The following PTPRA variants were observed in gnomAD, a reference collection of about 807,000 sequenced individuals.
PTPRA encodes protein tyrosine phosphatase receptor type A, also known as receptor-type tyrosine-protein phosphatase alpha.
In PTPRA, 25 loss-of-function variants were observed where a neutral mutation model predicts 104.8. The observed-to-expected ratio is 0.24, with a 90% CI of 0.17 to 0.33. PTPRA has a LOEUF of 0.33. PTPRA is among the 10% of genes least tolerant of loss of function. The pLI is 1.00. For missense variants in PTPRA, 765 were observed against 1,015.3 expected (o/e 0.75, Z 3.35); for synonymous variants, 323 against 368.9 (o/e 0.88, Z 1.43).
chr20:2,866,457 C>T, the PTPRA span: 2 of 1,614,186 alleles, frequency 1.2e-6, no homozygotes, highest in Non-Finnish European at 1.7e-6. Flanking sequence ...CAGATGTGGC[C>T]ATCGAACACC....
intron 1 of PTPRA, among the ~76,000 whole-genome samples, chr20:2,919,960 G>A (rs1283543919): frequency 1.3e-5 from 2 of 152,118 alleles, no homozygotes; most frequent in Non-Finnish European, 1.5e-5. Context: ...CATAAATAAG[G>A]TTTTATTAGA....
At chr20:2,905,001 C>T (rs2059372683) in intron 1 of PTPRA, among the ~76,000 whole-genome samples, 1 of 152,190 alleles carries the variant, frequency 6.6e-6, no homozygotes, top group Admixed American at 6.5e-5. Flanking sequence ...CTGGGCCACA[C>T]AGCAGGATAT....
intron 3 of PTPRA, among the ~76,000 whole-genome samples, chr20:2,960,777 T>G (rs1226221643): frequency 1.3e-5 from 2 of 152,018 alleles, no homozygotes; most frequent in Non-Finnish European, 2.9e-5. Flanking sequence ...GCTCAAGCAA[T>G]TTGCCTGCCT....
chr20:2,888,671 T>C (rs114667650), intron 1 of PTPRA, among the ~76,000 whole-genome samples: 2,504 of 152,280 alleles, frequency 0.016, 63 homozygotes, highest in African/African-American at 0.056. Flanking sequence ...GTTCTAAAAG[T>C]ATATATAGTA....
intron 2 of PTPRA, among the ~76,000 whole-genome samples, chr20:2,932,384 AAG>A (rs2060538534): frequency 6.6e-6 from 1 of 152,214 alleles, no homozygotes; most frequent in African/African-American, 2.4e-5. Flanking sequence ...TAATGAGGAA[AAG>A]AGAAGCTCAT....
chr20:2,979,840 G>A (rs542403835), intron 6 of PTPRA, among the ~76,000 whole-genome samples: 41 of 152,242 alleles, frequency 2.7e-4, no homozygotes, highest in Non-Finnish European at 4.7e-4. Context: ...CACCGTGCCC[G>A]GCCCTGTTAA....
At chr20:3,002,429 C>A (rs1274431861) in intron 9 of PTPRA, among the ~76,000 whole-genome samples, 2 of 150,686 alleles carry the variant, frequency 1.3e-5, no homozygotes, top group Non-Finnish European at 2.9e-5. Flanking sequence ...CGGGTTCAAG[C>A]AGTTCTCCTA....
chr20:2,978,787 T>C (rs961226976), intron 6 of PTPRA, among the ~76,000 whole-genome samples: 5 of 152,190 alleles, frequency 3.3e-5, no homozygotes, highest in Admixed American at 2.6e-4. Flanking sequence ...AAAGCAGCCA[T>C]AGATGGTATG....
intron 2 of PTPRA, among the ~76,000 whole-genome samples, chr20:2,929,403 C>A (rs991144192): frequency 6.6e-6 from 1 of 152,214 alleles, no homozygotes; most frequent in African/African-American, 2.4e-5. Flanking sequence ...TGTGTGTTCA[C>A]ACATTCCTTT....
chr20:2,922,555 G>C (rs536998658), intron 1 of PTPRA, among the ~76,000 whole-genome samples: 1 of 152,136 alleles, frequency 6.6e-6, no homozygotes, highest in Non-Finnish European at 1.5e-5. Flanking sequence ...GGCCAGGCTG[G>C]TCTCGAACTC....
At chr20:2,947,125 A>G (rs2061165421) in intron 2 of PTPRA, among the ~76,000 whole-genome samples, 1 of 152,148 alleles carries the variant, frequency 6.6e-6, no homozygotes, top group Admixed American at 6.5e-5. Context: ...TTGGACTGTC[A>G]TTACCTTGCA....
chr20:2,905,607 C>T (rs932121785), intron 1 of PTPRA, among the ~76,000 whole-genome samples: 2 of 151,662 alleles, frequency 1.3e-5, no homozygotes, highest in Admixed American at 6.6e-5. Flanking sequence ...TACAAATCCC[C>T]TTTTCCCCTT....
At chr20:3,007,558 G>T in intron 11 of PTPRA, 138 bp downstream of exon 11, 1 of 906,626 alleles carries the variant, frequency 1.1e-6, no homozygotes, top group Non-Finnish European at 1.7e-6. Flanking sequence ...TTAAGTGACT[G>T]AATTTTTTTT....
At chr20:2,909,426 T>C (rs1251042674) in intron 1 of PTPRA, among the ~76,000 whole-genome samples, 1 of 151,908 alleles carries the variant, frequency 6.6e-6, no homozygotes, top group Non-Finnish European at 1.5e-5. Context: ...CTACTAAAAA[T>C]ACAGAAATTA....
At chr20:3,011,687 G>A (rs891313698) in intron 11 of PTPRA, among the ~76,000 whole-genome samples, 1 of 152,322 alleles carries the variant, frequency 6.6e-6, no homozygotes, top group African/African-American at 2.4e-5. Flanking sequence ...GGTAGTGGAT[G>A]TCAAGTGTGT....
chr20:2,869,675 CAG>C (rs551033696), upstream of PTPRA, among the ~76,000 whole-genome samples: 46 of 152,300 alleles, frequency 3.0e-4, no homozygotes, highest in South Asian at 9.3e-3. Flanking sequence ...CAGGGAGAAT[CAG>C]GGCAAAGGCT....
chr20:2,888,943 G>A (rs957232297), intron 1 of PTPRA, among the ~76,000 whole-genome samples: 3 of 152,130 alleles, frequency 2.0e-5, no homozygotes, highest in Non-Finnish European at 4.4e-5. Context: ...AGCTCAATTC[G>A]GTTTCCCCAA....
At chr20:2,885,785 G>T (rs976135077) in intron 1 of PTPRA, among the ~76,000 whole-genome samples, 1 of 152,300 alleles carries the variant, frequency 6.6e-6, no homozygotes, top group Admixed American at 6.5e-5. Context: ...AAGACTTGAG[G>T]CTGGGCGTGG....
intron 6 of PTPRA, among the ~76,000 whole-genome samples, chr20:2,980,378 G>A (rs6115747): frequency 0.24 from 36,208 of 151,390 alleles, 7,683 homozygotes; most frequent in African/African-American, 0.57. Context: ...GACCAGGCTG[G>A]CCAACATAGT....
Sources: allele counts gnomAD v4.1 joint callset (sites outside exome capture counted in the v4.1 genomes callset), GRCh38; gene constraint gnomAD v4.1.1; transcripts MANE v1.5; gene names NCBI Gene and HGNC (gene_info 2026-07-23, HGNC 2026-07-21).